NXPH1: variants seen among roughly 807,000 people sequenced by gnomAD.
NXPH1 encodes neurexophilin 1, also known as neurexophilin-1.
A neutral mutation model predicts 23.7 loss-of-function variants in NXPH1; 5 were observed. The ratio of observed to expected loss-of-function variants is 0.21; its 90% confidence interval spans 0.11 to 0.44. NXPH1 has a LOEUF of 0.44. Among genes scored for constraint, NXPH1 ranks in the 20% least tolerant of loss-of-function variants. The probability of loss-of-function intolerance (pLI) is 0.99; values close to 1 mark genes in which losing one functional copy is unlikely to be tolerated. For missense variants in NXPH1, 324 were observed against 321.6 expected (o/e 1.01, Z -0.06); for synonymous variants, 144 against 122.2 (o/e 1.18, Z -1.18).
At chr7:8,526,517 G>T (rs1393855422) in intron 2 of NXPH1, among the ~76,000 whole-genome samples, 1 of 152,100 alleles carries the variant, frequency 6.6e-6, no homozygotes, top group South Asian at 2.1e-4. Flanking sequence ...GGAATGATAT[G>T]GTTTGGCTGT....
intron 2 of NXPH1, 43 bp from the exon 3 acceptor site, chr7:8,750,959 TATTCTC>T (rs762647935): frequency 7.0e-6 from 11 of 1,568,426 alleles, no homozygotes. Flanking sequence ...CATTGGGTGT[TATTCTC>T]AGATGCAGAG....
At chr7:8,702,677 A>G (rs1223044920) in intron 2 of NXPH1, among the ~76,000 whole-genome samples, 1 of 152,154 alleles carries the variant, frequency 6.6e-6, no homozygotes, top group Non-Finnish European at 1.5e-5. Flanking sequence ...ATAGTTCTTT[A>G]TACTTATTTA....
chr7:8,626,032 T>G (rs180854586), intron 2 of NXPH1, among the ~76,000 whole-genome samples: 1 of 152,270 alleles, frequency 6.6e-6, no homozygotes, highest in African/African-American at 2.4e-5. Flanking sequence ...TTTTGTTTGT[T>G]GGTTGAGGAC....
At chr7:8,616,269 C>G (rs1583195094) in intron 2 of NXPH1, among the ~76,000 whole-genome samples, 1 of 134,048 alleles carries the variant, frequency 7.5e-6, no homozygotes, top group East Asian at 2.0e-4. Context: ...GTCTTTTGAT[C>G]TTGTTCTCTG....
At position 8,433,700 on chromosome 7, in the gene NXPH1, G is replaced by C. The variant is rs1406171842; in HGVS notation, c.-1166G>C. Among the ~76,000 whole-genome samples the C allele has an allele frequency of 6.6e-6, 1 of 151,946 alleles. No individual in the cohort carries two copies. The highest frequency in any genetic ancestry group is 1.5e-5 in the Non-Finnish European group (1 of 67,954). On this transcript the variant is annotated 5_prime_UTR_variant, in exon 1 of 3. Coordinates refer to ENST00000405863, the MANE Select transcript of NXPH1 (RefSeq NM_152745.3). The surrounding 1 kb of genome is among the most constrained non-coding windows in gnomAD (Gnocchi z 6.8). The stretch of plus-strand genomic sequence containing the variant: ...CCACAGGTCGGAGGCGCCCGGCGTC[G>C]GCGCTCGAGGCCGGCAGGGGCGCCC...
chr7:8,544,479 G>C (rs1231063137), intron 2 of NXPH1, among the ~76,000 whole-genome samples: 7 of 151,602 alleles, frequency 4.6e-5, no homozygotes, highest in Admixed American at 4.6e-4. Flanking sequence ...GACTCATAAA[G>C]AATGTTTACA....
rs116471598 is a variant in NXPH1, at chr7:8,657,691, T to G, written c.55-93317T>G. On this transcript the variant is annotated intron_variant, in intron 2 of 2. Transcript: ENST00000405863. ...TTCCCAATGTTATAAACTTCAAAAA[T>G]TAAAAGTTTCTTGGCACCAACAAAA... Among the ~76,000 whole-genome samples the G allele has an allele frequency of 6.5e-3, 987 of 152,250 alleles. 16 individuals are homozygous for G. Among genetic ancestry groups the G allele is most frequent in the African/African-American group, 0.022 (924 of 41,556 alleles).
At chr7:8,487,800 C>T (rs541949008) in intron 2 of NXPH1, among the ~76,000 whole-genome samples, 9 of 152,232 alleles carry the variant, frequency 5.9e-5, no homozygotes, top group East Asian at 5.8e-4. Flanking sequence ...GAGACAGCTT[C>T]GGACTGTGGG....
At chr7:8,710,997 C>T (rs1779786375) in intron 2 of NXPH1, among the ~76,000 whole-genome samples, 1 of 152,138 alleles carries the variant, frequency 6.6e-6, no homozygotes, top group Non-Finnish European at 1.5e-5. Context: ...ATACTGTATT[C>T]CATGGAAAGT....
At chr7:8,509,490 C>T (rs930242374) in intron 2 of NXPH1, among the ~76,000 whole-genome samples, 12 of 152,156 alleles carry the variant, frequency 7.9e-5, no homozygotes, top group South Asian at 4.1e-4. Context: ...TGGAGACTAA[C>T]GTCTTCATTT....
chr7:8,451,974 A>G (rs1816514324), intron 2 of NXPH1, among the ~76,000 whole-genome samples: 1 of 152,164 alleles, frequency 6.6e-6, no homozygotes, highest in Non-Finnish European at 1.5e-5. Context: ...TTTTCCTTAA[A>G]AATCTGGTAA....
At chr7:8,682,091 T>C (rs1821062789) in intron 2 of NXPH1, among the ~76,000 whole-genome samples, 2 of 152,102 alleles carry the variant, frequency 1.3e-5, no homozygotes, top group African/African-American at 4.8e-5. Flanking sequence ...GGGTGATTGA[T>C]CACCTTCACC....
chr7:8,673,545 A>G (rs1041456845), intron 2 of NXPH1, among the ~76,000 whole-genome samples: 1 of 152,178 alleles, frequency 6.6e-6, no homozygotes, highest in Non-Finnish European at 1.5e-5. Flanking sequence ...CTGGGTTTGT[A>G]TTCCAACTTT....
intron 2 of NXPH1, among the ~76,000 whole-genome samples, chr7:8,553,759 T>C (rs1341595705): frequency 6.6e-6 from 1 of 151,604 alleles, no homozygotes; most frequent in African/African-American, 2.4e-5. Flanking sequence ...CACCCTTGGT[T>C]TGAAAAAATC....
intron 2 of NXPH1, among the ~76,000 whole-genome samples, chr7:8,496,826 T>C (rs920408935): frequency 6.6e-6 from 1 of 152,110 alleles, no homozygotes; most frequent in African/African-American, 2.4e-5. Flanking sequence ...TGACCCATGC[T>C]TCTCATAATA....
At chr7:8,534,302 G>T (rs1817993969) in intron 2 of NXPH1, among the ~76,000 whole-genome samples, 1 of 152,044 alleles carries the variant, frequency 6.6e-6, no homozygotes, top group African/African-American at 2.4e-5. Context: ...GAGCCATAAA[G>T]GAACCACTGG....
chr7:8,539,421 A>G (rs1275166388), intron 2 of NXPH1, among the ~76,000 whole-genome samples: 12 of 151,834 alleles, frequency 7.9e-5, no homozygotes, highest in Admixed American at 7.2e-4. Flanking sequence ...TTTTAAAACA[A>G]TGATCACTCT....
intron 2 of NXPH1, among the ~76,000 whole-genome samples, chr7:8,645,813 A>T (rs1820389665): frequency 6.6e-6 from 1 of 152,080 alleles, no homozygotes; most frequent in Non-Finnish European, 1.5e-5. Flanking sequence ...GGAATTCCCA[A>T]CACCATTATT....
chr7:8,540,050 T>C (rs563685163), intron 2 of NXPH1, among the ~76,000 whole-genome samples: 3 of 151,962 alleles, frequency 2.0e-5, no homozygotes, highest in East Asian at 1.9e-4. Flanking sequence ...TTTTGGAAAA[T>C]ATGAAATTCT....
Sources: gnomAD v4.1 joint callset for allele counts (sites outside exome capture counted in the v4.1 genomes callset) on GRCh38, gnomAD v4.1.1 for gene constraint, Gnocchi (gnomAD v3.1) non-coding constraint, MANE v1.5 for transcripts, NCBI Gene and HGNC (gene_info 2026-07-23, HGNC 2026-07-21) for gene names.